WDFY4: variants seen among roughly 807,000 people sequenced by gnomAD.
WDFY4 encodes WDFY family member 4, also known as WD repeat- and FYVE domain-containing protein 4.
WDFY4 carries 169 observed loss-of-function variants against 351.9 expected under a neutral mutation model. The observed-to-expected ratio is 0.48, with a 90% CI of 0.42 to 0.55. The LOEUF is 0.55. Among genes scored for constraint, WDFY4 ranks in the 20% least tolerant of loss-of-function variants. WDFY4 has a pLI of 0.00. For synonymous variants in WDFY4, 1,622 were observed against 1,574.6 expected, an observed-to-expected ratio of 1.03 and a Z score of -0.71; for missense variants, 3,803 against 3,935.6, an observed-to-expected ratio of 0.97 and a Z score of 0.90.
At chr10:48,740,878 C>T (rs2064830171) in intron 11 of WDFY4, among the ~76,000 whole-genome samples, 1 of 152,196 alleles carries the variant, frequency 6.6e-6, no homozygotes, top group African/African-American at 2.4e-5. Context: ...GATCTAACCA[C>T]TGTGAGTAGT....
chr10:48,966,673 G>T lies in WDFY4; in HGVS notation c.8584G>T (p.Asp2862Tyr). 1 of 1,551,252 alleles carries T rather than the reference G, an allele frequency of 6.4e-7. No homozygotes were observed. The highest frequency in any genetic ancestry group is 8.7e-7 in the Non-Finnish European group (1 of 1,146,812). Residue 2862 changes from aspartate (D) to tyrosine (Y), a missense_variant and splice_region_variant, in exon 55 of 62, where the codon GAT (aspartate) becomes TAT (tyrosine). Asp to Tyr is a radical substitution (Grantham distance 160). Transcript: ENST00000325239. ...SLRPSQVTVK[D>Y]MYLFSLGSES... ...GAGGCCCTCCCAGGTCACGGTCAAA[G>T]GTGATTCCCTGGCCATGCATTGTTT... is the stretch of plus-strand genomic sequence containing the variant.
intron 10 of WDFY4, 111 bp downstream of exon 10, chr10:48,734,146 C>A: frequency 1.1e-6 from 1 of 907,344 alleles, no homozygotes; most frequent in South Asian, 1.6e-5. Context: ...CAATACACAG[C>A]GTTAGCTGTG....
chr10:48,735,620 A>T (rs908779667), intron 10 of WDFY4, among the ~76,000 whole-genome samples: 1 of 149,518 alleles, frequency 6.7e-6, no homozygotes, highest in Non-Finnish European at 1.5e-5. Context: ...GATGTTAGTC[A>T]TTTTTTTTTT....
rs578142922 is a variant in WDFY4 at position 48,693,515 on chromosome 10, A to G, written c.-18+8514A>G. On this transcript the variant is annotated intron_variant, in intron 1 of 61. Coordinates refer to ENST00000325239, the MANE Select transcript of WDFY4 (RefSeq NM_001394531.1). ...TAATTAAGAAAATTATTCCTGGTAC[A>G]TTAAGAGGTCTGCCAGCTTGTGGGA... Among the ~76,000 whole-genome samples, 17 of 152,366 alleles carry G rather than the reference A, an allele frequency of 1.1e-4. No individual in the cohort carries two copies. The South Asian group carries it at 2.9e-3, about 26-fold the overall frequency.
chr10:48,897,659 ACCTC>A, intron 45 of WDFY4, 85 bp downstream of exon 45: 1 of 1,493,990 alleles, frequency 6.7e-7, no homozygotes, highest in Non-Finnish European at 8.9e-7. Flanking sequence ...CCAGAGACAC[ACCTC>A]TGTGACTCTT....
chr10:48,915,914 A>G (rs982011687), intron 47 of WDFY4, among the ~76,000 whole-genome samples: 6 of 152,222 alleles, frequency 3.9e-5, no homozygotes, highest in African/African-American at 1.4e-4. Context: ...CAGAGCCAGC[A>G]CCATGTTCAC....
intron 51 of WDFY4, among the ~76,000 whole-genome samples, chr10:48,948,182 C>G (rs1029460084): frequency 6.6e-6 from 1 of 152,196 alleles, no homozygotes; most frequent in African/African-American, 2.4e-5. Flanking sequence ...AGCCTTCTCC[C>G]TCCTTGACGG....
At chr10:48,953,331 T>TCACA (rs1204371648) in intron 51 of WDFY4, among the ~76,000 whole-genome samples, 45 of 81,144 alleles carry the variant, frequency 5.5e-4, no homozygotes, top group East Asian at 1.8e-3. Flanking sequence ...TCTCTCTCTC[T>TCACA]CTCACACACA....
intron 9 of WDFY4, among the ~76,000 whole-genome samples, chr10:48,731,850 G>A (rs1348029617): frequency 2.0e-5 from 3 of 152,314 alleles, no homozygotes; most frequent in East Asian, 3.9e-4. Context: ...CAGGGAGACT[G>A]CAGGGGTCTG....
chr10:48,938,464 A>C (rs1840539638), intron 47 of WDFY4, among the ~76,000 whole-genome samples: 2 of 152,384 alleles, frequency 1.3e-5, no homozygotes, highest in African/African-American at 4.8e-5. Flanking sequence ...AGGCCCAGCC[A>C]CAGGCTGCTC....
At chr10:48,827,713 G>GA (rs71465480) in intron 36 of WDFY4, among the ~76,000 whole-genome samples, 3,052 of 146,970 alleles carry the variant, frequency 0.021, 56 homozygotes, top group Non-Finnish European at 0.03. Flanking sequence ...TTGATCACTT[G>GA]AAAAAAAAAC....
chr10:48,832,586 G>C lies in WDFY4; in HGVS notation c.6540G>C (p.Lys2180Asn). The C allele has an allele frequency of 3.9e-6, 6 of 1,546,664 alleles. No individual in the cohort carries two copies. Among genetic ancestry groups the C allele is most frequent in the Non-Finnish European group, 5.2e-6 (6 of 1,143,642 alleles). ...AWQHYLASEKKSLASRSNVAH... is the reference protein window; with the variant it reads ...AWQHYLASEKNSLASRSNVAH... ...CCCTTCCCTCAGCATCTGAGAAGAAGTCACTGGCAAGTCGTTCAAATGTTG... is the reference window on the plus strand; with the variant it reads ...CCCTTCCCTCAGCATCTGAGAAGAACTCACTGGCAAGTCGTTCAAATGTTG... The change falls in exon 39 of 62, where the codon AAG (lysine) becomes AAC (asparagine). Residue 2180 changes from lysine to asparagine, a missense_variant. By Grantham distance (94) the Lys-to-Asn change is moderately conservative. Transcript: ENST00000325239.
At chr10:48,946,508 A>C (rs1255019900) in intron 50 of WDFY4, among the ~76,000 whole-genome samples, 2 of 152,280 alleles carry the variant, frequency 1.3e-5, no homozygotes, top group African/African-American at 4.8e-5. Context: ...TGCCAGGGGC[A>C]GGCCAGCCTG....
chr10:48,843,572 G>A (rs908724085), intron 39 of WDFY4, among the ~76,000 whole-genome samples: 8 of 152,152 alleles, frequency 5.3e-5, no homozygotes, highest in African/African-American at 1.7e-4. Flanking sequence ...GAAAAAAAAT[G>A]TATACTGTAT....
chr10:48,969,067 T>C lies in WDFY4; in HGVS notation c.8588T>C (p.Met2863Thr), dbSNP rs1170573380. The change falls in exon 56 of 62, where the codon ATG becomes ACG. Residue 2863 changes from methionine (M) to threonine (T), a missense_variant. Physicochemically the swap from Met to Thr is moderately conservative, Grantham distance 81 (BLOSUM62 -1). Transcript: ENST00000325239. ...LRPSQVTVKD[M>T]YLFSLGSESP... ...CGCCATACTAACTGGGGTGTAGATA[T>C]GTACCTCTTTTCTCTAGGCTCAGAG... 21 of 1,551,630 alleles carry C rather than the reference T, an allele frequency of 1.4e-5. No individual in the cohort carries two copies. Among genetic ancestry groups the C allele is most frequent in the East Asian group, 2.4e-5 (1 of 40,924 alleles).
At chr10:48,947,962 G>C (rs763752323) in intron 51 of WDFY4, among the ~76,000 whole-genome samples, 2 of 152,130 alleles carry the variant, frequency 1.3e-5, no homozygotes, top group Non-Finnish European at 2.9e-5. Context: ...AAAAGCCTGG[G>C]TATCCCAAGA....
chr10:48,863,181 G>A (rs574289590), intron 39 of WDFY4, among the ~76,000 whole-genome samples: 4 of 152,048 alleles, frequency 2.6e-5, no homozygotes, highest in Non-Finnish European at 5.9e-5. Context: ...AGTTTCAGTT[G>A]GACACAATTT....
intron 13 of WDFY4, among the ~76,000 whole-genome samples, chr10:48,762,669 A>G (rs763802501): frequency 3.3e-5 from 5 of 152,212 alleles, no homozygotes; most frequent in Non-Finnish European, 7.3e-5. Flanking sequence ...GCTGAGTGGC[A>G]TACCTGGGGC....
chr10:48,690,841 G>A (rs1383116218), intron 1 of WDFY4, among the ~76,000 whole-genome samples: 1 of 152,160 alleles, frequency 6.6e-6, no homozygotes, highest in African/African-American at 2.4e-5. Context: ...AGCCAACTGG[G>A]CCATAGGTGG....
Sources: allele counts gnomAD v4.1 joint callset (sites outside exome capture counted in the v4.1 genomes callset), GRCh38; gene constraint gnomAD v4.1.1; transcripts MANE v1.5; gene names NCBI Gene and HGNC (gene_info 2026-07-23, HGNC 2026-07-21).